The following CNTNAP2 variants were observed in gnomAD, a reference collection of about 807,000 sequenced individuals.
CNTNAP2 encodes the protein contactin associated protein 2, also known as contactin-associated protein-like 2.
Under a neutral mutation model 155.2 loss-of-function variants are expected in CNTNAP2, and 98 were observed. The ratio of observed to expected loss-of-function variants is 0.63; its 90% CI spans 0.54 to 0.75. The LOEUF (loss-of-function observed/expected upper bound fraction) is 0.75. CNTNAP2 is among the 30% of genes least tolerant of loss of function. The probability of loss-of-function intolerance (pLI) is 0.00; values close to 1 mark genes in which losing one functional copy is unlikely to be tolerated. For missense variants in CNTNAP2, 1,727 were observed against 1,688.1 expected (o/e 1.02, Z -0.40); for synonymous variants, 651 against 631.2 (o/e 1.03, Z -0.47).
At chr7:147,236,582 T>A (rs890759168) in intron 8 of CNTNAP2, among the ~76,000 whole-genome samples, 10 of 150,066 alleles carry the variant, frequency 6.7e-5, no homozygotes, top group African/African-American at 2.4e-4. Flanking sequence ...TTTGGTTGGT[T>A]TTTTTTTTCT....
At chr7:147,938,760 G>A (rs2116811252) in intron 14 of CNTNAP2, among the ~76,000 whole-genome samples, 1 of 152,164 alleles carries the variant, frequency 6.6e-6, no homozygotes, top group South Asian at 2.1e-4. Context: ...TTCCAGGGCT[G>A]TATTCACTTT....
intron 3 of CNTNAP2, among the ~76,000 whole-genome samples, chr7:147,027,327 C>T (rs934369330): frequency 6.6e-6 from 1 of 152,178 alleles, no homozygotes; most frequent in East Asian, 1.9e-4. Context: ...CTGCATAGAT[C>T]TTCTGTAAAT....
intron 1 of CNTNAP2, among the ~76,000 whole-genome samples, chr7:146,286,279 A>G (rs1242513296): frequency 6.6e-6 from 1 of 151,670 alleles, no homozygotes; most frequent in East Asian, 2.0e-4. Context: ...GAGAACAATG[A>G]TAACTTCTCT....
chr7:146,796,125 A>C (rs897324340), intron 2 of CNTNAP2, among the ~76,000 whole-genome samples: 2 of 152,216 alleles, frequency 1.3e-5, no homozygotes, highest in Non-Finnish European at 2.9e-5. Flanking sequence ...ATATATGATA[A>C]AACCAGAAAG....
At chr7:147,622,710 C>A (rs1440457936) in intron 12 of CNTNAP2, among the ~76,000 whole-genome samples, 1 of 151,816 alleles carries the variant, frequency 6.6e-6, no homozygotes, top group Non-Finnish European at 1.5e-5. Context: ...CCTAATGATG[C>A]AGCTTAAAGA....
intron 12 of CNTNAP2, chr7:147,638,824 C>A (rs955813644): frequency 1.1e-4 from 62 of 539,144 alleles, no homozygotes; most frequent in Non-Finnish European, 1.0e-5. Flanking sequence ...TGTTAGAGCA[C>A]CAACAAGATA....
intron 12 of CNTNAP2, among the ~76,000 whole-genome samples, chr7:147,605,379 C>T (rs1801040489): frequency 6.6e-6 from 1 of 152,072 alleles, no homozygotes; most frequent in African/African-American, 2.4e-5. Flanking sequence ...ATGACTGAAG[C>T]TTATATAACA....
intron 13 of CNTNAP2, among the ~76,000 whole-genome samples, chr7:147,850,584 A>G (rs1798917418): frequency 6.6e-6 from 1 of 152,212 alleles, no homozygotes; most frequent in Admixed American, 6.5e-5. Context: ...ATATAGACCA[A>G]TGGAACAGAA....
chr7:147,610,660 G>T lies in CNTNAP2; in HGVS notation c.1898-28446G>T, dbSNP rs6967426. Among the ~76,000 whole-genome samples the T allele has an allele frequency of 2.0e-5, 3 of 152,024 alleles. No homozygotes were observed. The South Asian group carries it at 6.2e-4, about 32-fold the overall frequency. ...GAGATGAGAGAGCTAGCCCAGGGGAGTTTTAGGGGAAGCATCTTCTAGTCA... is the reference window on the plus strand; with the variant it reads ...GAGATGAGAGAGCTAGCCCAGGGGATTTTTAGGGGAAGCATCTTCTAGTCA... On this transcript the variant is annotated intron_variant, in intron 12 of 23. Transcript: ENST00000361727.
At chr7:147,001,957 A>T (rs1055234709) in intron 3 of CNTNAP2, among the ~76,000 whole-genome samples, 7 of 152,084 alleles carry the variant, frequency 4.6e-5, no homozygotes, top group South Asian at 2.1e-4. Flanking sequence ...AGACATGGTA[A>T]ATTAAAAATG....
intron 11 of CNTNAP2, among the ~76,000 whole-genome samples, chr7:147,488,940 A>T (rs79255696): frequency 0.023 from 3,537 of 152,346 alleles, 89 homozygotes; most frequent in East Asian, 0.14. Flanking sequence ...ACTTTGGCTT[A>T]TGTGGTACTC....
chr7:147,626,251 C>G (rs1794973457), intron 12 of CNTNAP2, among the ~76,000 whole-genome samples: 1 of 151,986 alleles, frequency 6.6e-6, no homozygotes, highest in African/African-American at 2.4e-5. Flanking sequence ...GAGCAAGGGC[C>G]ATGCTTGCTT....
chr7:148,086,157 G>T (rs74985282), intron 15 of CNTNAP2, among the ~76,000 whole-genome samples: 2 of 152,120 alleles, frequency 1.3e-5, no homozygotes, highest in Admixed American at 6.5e-5. Context: ...TGTTGAGGGG[G>T]ATTTGAAACT....
intron 3 of CNTNAP2, among the ~76,000 whole-genome samples, chr7:147,016,725 A>C (rs570237117): frequency 6.6e-6 from 1 of 152,250 alleles, no homozygotes; most frequent in East Asian, 1.9e-4. Flanking sequence ...TAAGAAACTT[A>C]GGTGAATAAG....
chr7:146,779,828 A>G (rs1025022309), intron 2 of CNTNAP2, among the ~76,000 whole-genome samples: 4 of 152,198 alleles, frequency 2.6e-5, no homozygotes, highest in African/African-American at 9.6e-5. Context: ...TATTTCCTTC[A>G]GCAGGGAAAA....
intron 13 of CNTNAP2, among the ~76,000 whole-genome samples, chr7:147,676,073 T>C (rs1795861670): frequency 6.6e-6 from 1 of 152,092 alleles, no homozygotes; most frequent in Non-Finnish European, 1.5e-5. Flanking sequence ...TTTATTTTTC[T>C]AATTAGAGTA....
chr7:147,281,410 A>G (rs1459503944), intron 8 of CNTNAP2, among the ~76,000 whole-genome samples: 1 of 151,818 alleles, frequency 6.6e-6, no homozygotes, highest in Non-Finnish European at 1.5e-5. Context: ...GAGGTCAGTA[A>G]CTTTATTTTT....
At chr7:146,140,082 C>G (rs1797855984) in intron 1 of CNTNAP2, among the ~76,000 whole-genome samples, 1 of 152,128 alleles carries the variant, frequency 6.6e-6, no homozygotes, top group Non-Finnish European at 1.5e-5. Flanking sequence ...CCCTCCCACC[C>G]TTTCATTTGC....
chr7:147,120,536 C>CT (rs1345968773), intron 5 of CNTNAP2, among the ~76,000 whole-genome samples: 2 of 152,062 alleles, frequency 1.3e-5, no homozygotes, highest in Admixed American at 6.6e-5. Context: ...TAAAAAAGCA[C>CT]TTTTTTCCAT....
Sources: allele counts gnomAD v4.1 joint callset (sites outside exome capture counted in the v4.1 genomes callset), GRCh38; gene constraint gnomAD v4.1.1; transcripts MANE v1.5; gene names NCBI Gene and HGNC (gene_info 2026-07-23, HGNC 2026-07-21).